RRAGD: variants seen among roughly 807,000 people sequenced by gnomAD.
The protein encoded by RRAGD is Ras related GTP binding D, also known as ras-related GTP-binding protein D.
A neutral mutation model predicts 35.5 loss-of-function variants in RRAGD; 12 were observed. The observed-to-expected ratio is 0.34, with a 90% CI of 0.22 to 0.55. The LOEUF (loss-of-function observed/expected upper bound fraction) is 0.55, where lower values mean the gene tolerates loss of function less well. Among genes scored for constraint, RRAGD ranks in the 20% least tolerant of loss-of-function variants. The pLI is 0.91. For synonymous variants in RRAGD, 155 were observed against 178.9 expected (o/e 0.87, Z 1.07); for missense variants, 324 against 490.1 (o/e 0.66, Z 3.20).
intron 1 of RRAGD, among the ~76,000 whole-genome samples, chr6:89,391,804 A>C (rs1340205830): frequency 6.6e-6 from 1 of 151,876 alleles, no homozygotes; most frequent in African/African-American, 2.4e-5. Context: ...AAAAATGCTA[A>C]AAATTAGCCA....
exon 1 of RRAGD, chr6:89,412,271 ACTGC>A: frequency 1.8e-5 from 4 of 225,198 alleles, no homozygotes; most frequent in Non-Finnish European, 1.7e-5. This position sits in a 1 kb window ranked among gnomAD's most constrained non-coding sequence, Gnocchi z 4.2. Context: ...AGAGAGAGAG[ACTGC>A]GTGACCCGAG....
At chr6:89,384,502 C>A (rs1769104367) in intron 2 of RRAGD, among the ~76,000 whole-genome samples, 1 of 152,068 alleles carries the variant, frequency 6.6e-6, no homozygotes, top group African/African-American at 2.4e-5. Context: ...AGCCACTGTG[C>A]CCAGCCTTCT....
rs539117173 is a variant in RRAGD, at chr6:89,402,859, A to G, written c.148+8987T>C. ...AGGAGTTTTAGCCTTGGCCACAGCG[A>G]AACAGCTCAAACCAACCCACTCCAA... is the stretch of plus-strand genomic sequence containing the variant. On this transcript the variant is annotated intron_variant, in intron 1 of 6. Coordinates refer to ENST00000369415, the MANE Select transcript of RRAGD (RefSeq NM_021244.5). 1.1e-4 allele frequency among the ~76,000 whole-genome samples: 16 copies of G among 152,306 alleles called. No individual in the cohort carries two copies. The East Asian group carries it at 2.7e-3, about 26-fold the overall frequency.
chr6:89,376,300 GGTGTGTGTGT>G (rs34484330), intron 5 of RRAGD, among the ~76,000 whole-genome samples: 1,753 of 141,590 alleles, frequency 0.012, 19 homozygotes, highest in Non-Finnish European at 0.017. Context: ...ATGTGTGTGT[GGTGTGTGTGT>G]GTGTGTGTGT....
At chr6:89,408,789 C>T (rs1769639035) in intron 1 of RRAGD, among the ~76,000 whole-genome samples, 1 of 152,126 alleles carries the variant, frequency 6.6e-6, no homozygotes, top group Non-Finnish European at 1.5e-5. Context: ...ATTGCTTTCC[C>T]TGTTATTACA....
In RRAGD at chr6:89,367,009, T is replaced by C. The variant is rs1435920660; in HGVS notation, c.*1047A>G. 1 of 152,246 alleles carries C rather than the reference T, an allele frequency of 6.6e-6. No individual in the cohort carries two copies. Among genetic ancestry groups the C allele is most frequent in the Admixed American group, 6.5e-5 (1 of 15,284 alleles). The allele number at this position is 152,246 out of a possible 1,614,324, so 9.4% of individuals were successfully genotyped here. On this transcript the variant is annotated 3_prime_UTR_variant, in exon 7 of 7. Coordinates refer to ENST00000369415, the MANE Select transcript of RRAGD (RefSeq NM_021244.5). ...AAGTGACTAACAGGATTGAGCTCCA[T>C]GGTGGGGTTCTGCGATTTGTTCTAT...
intron 6 of RRAGD, 82 bp downstream of exon 6, chr6:89,372,355 C>A: frequency 7.0e-7 from 1 of 1,422,118 alleles, no homozygotes; most frequent in Non-Finnish European, 9.5e-7. Context: ...TGCTGTTGTC[C>A]ACCCACATTC....
intron 1 of RRAGD, among the ~76,000 whole-genome samples, chr6:89,401,319 G>A (rs375423601): frequency 2.0e-5 from 3 of 151,578 alleles, no homozygotes; most frequent in Non-Finnish European, 2.9e-5. Flanking sequence ...GTGCTGTGGC[G>A]CAATCTTAGC....
rs372347855 is a variant in RRAGD, at chr6:89,372,387, C to G, written c.1051+50G>C. On this transcript the variant is annotated intron_variant, in intron 6 of 6. Transcript: ENST00000369415. ...ATTCAACAAACAATACATGCAGTAG[C>G]AGTCTGATGCTTCTTTTAATGCTTC... 1.0e-3 allele frequency: 1,589 copies of G among 1,542,854 alleles called. 2 individuals carry two copies. Among genetic ancestry groups the G allele is most frequent in the Non-Finnish European group, 1.3e-3 (1,478 of 1,138,600 alleles).
intron 2 of RRAGD, among the ~76,000 whole-genome samples, chr6:89,383,191 G>A (rs1769079398): frequency 6.6e-6 from 1 of 152,222 alleles, no homozygotes; most frequent in Admixed American, 6.5e-5. Flanking sequence ...TTTATTGCAT[G>A]TAAATTACAC....
chr6:89,388,267 T>G (rs1769169904), intron 1 of RRAGD, among the ~76,000 whole-genome samples: 1 of 152,054 alleles, frequency 6.6e-6, no homozygotes, highest in Non-Finnish European at 1.5e-5. Flanking sequence ...GAAATTCAAA[T>G]CCTCCTCCTA....
chr6:89,408,036 C>T (rs1769618152), intron 1 of RRAGD, among the ~76,000 whole-genome samples: 1 of 152,150 alleles, frequency 6.6e-6, no homozygotes, highest in South Asian at 2.1e-4. Flanking sequence ...TAACTTTGGG[C>T]ACATCATTTT....
At chr6:89,393,612 G>A (rs1769277661) in intron 1 of RRAGD, among the ~76,000 whole-genome samples, 1 of 152,194 alleles carries the variant, frequency 6.6e-6, no homozygotes, top group Non-Finnish European at 1.5e-5. Context: ...TCACTACAAT[G>A]TGTGGAGAAG....
At chr6:89,380,061 AAAG>A (rs1183979473) in intron 3 of RRAGD, 104 bp downstream of exon 3, 1 of 934,570 alleles carries the variant, frequency 1.1e-6, no homozygotes, top group Non-Finnish European at 1.7e-6. Context: ...AACAGGGTAA[AAAG>A]AAGGTAAATT....
At chr6:89,394,331 A>G (rs1769292216) in intron 1 of RRAGD, among the ~76,000 whole-genome samples, 1 of 152,186 alleles carries the variant, frequency 6.6e-6, no homozygotes, top group Admixed American at 6.5e-5. Context: ...TAACAATAAA[A>G]TCCTTAGAGG....
intron 1 of RRAGD, among the ~76,000 whole-genome samples, chr6:89,394,854 G>A (rs529605305): frequency 6.6e-6 from 1 of 152,054 alleles, no homozygotes; most frequent in East Asian, 1.9e-4. Context: ...AAAGGAATTT[G>A]GTTTTAATTT....
chr6:89,401,459 T>C (rs1446780158), intron 1 of RRAGD, among the ~76,000 whole-genome samples: 1 of 152,182 alleles, frequency 6.6e-6, no homozygotes, highest in Admixed American at 6.5e-5. Context: ...TTTCGCCATG[T>C]TGACCAGGCT....
chr6:89,369,143 G>C (rs1207144988), intron 6 of RRAGD, among the ~76,000 whole-genome samples: 1 of 152,132 alleles, frequency 6.6e-6, no homozygotes, highest in Non-Finnish European at 1.5e-5. Flanking sequence ...GGAGGGCACC[G>C]TCTCGGTTTC....
At chr6:89,386,626 A>G (rs1380141441) in intron 2 of RRAGD, among the ~76,000 whole-genome samples, 1 of 152,216 alleles carries the variant, frequency 6.6e-6, no homozygotes. Flanking sequence ...TATGAATGCT[A>G]GAATAAAACT....
Sources: gnomAD v4.1 joint callset for allele counts (sites outside exome capture counted in the v4.1 genomes callset) on GRCh38, gnomAD v4.1.1 for gene constraint, Gnocchi (gnomAD v3.1) non-coding constraint, MANE v1.5 for transcripts, NCBI Gene and HGNC (gene_info 2026-07-23, HGNC 2026-07-21) for gene names.